The following COL4A6 variants were observed in gnomAD, a reference collection of about 807,000 sequenced individuals.
COL4A6 encodes collagen type IV alpha 6 chain.
In COL4A6, 59 loss-of-function variants were observed where a neutral mutation model predicts 126.7. That is an observed-to-expected ratio of 0.47 (90% CI 0.38 to 0.58). COL4A6 has a LOEUF of 0.58. Among genes scored for constraint, COL4A6 ranks in the 20% least tolerant of loss-of-function variants. The probability of loss-of-function intolerance (pLI) is 0.00; values close to 1 mark genes in which losing one functional copy is unlikely to be tolerated. For missense variants in COL4A6, 1,285 were observed against 1,337.3 expected (o/e 0.96, Z 0.61); for synonymous variants, 547 against 496.6 (o/e 1.10, Z -1.35).
rs1469132467 is a variant in COL4A6 at position 108,178,704 on chromosome X, G to A, written c.2495C>T (p.Pro832Leu). 8.3e-7 allele frequency: 1 copy of A among 1,211,236 alleles called. No individual in the cohort carries two copies. Among genetic ancestry groups the A allele is most frequent in the East Asian group, 3.0e-5 (1 of 33,804 alleles). Residue 832 changes from proline to leucine, a missense_variant, in exon 27 of 45, where the codon CCA becomes CTA. Pro to Leu is a moderately conservative substitution (Grantham distance 98). Coordinates refer to ENST00000334504, the MANE Select transcript of COL4A6 (RefSeq NM_033641.4). ...CCTACCTGAGATGCCTGGGAAGCCTGGTGCTCCTGGGAGCCCAGATTTGCC... is the reference window on the plus strand; with the variant it reads ...CCTACCTGAGATGCCTGGGAAGCCTAGTGCTCCTGGGAGCCCAGATTTGCC... ...IKGKSGLPGA[P>L]GFPGISGHPG... is the part of the protein sequence containing the mutation.
chrX:108,388,208 T>C lies in COL4A6; in HGVS notation c.63+49734A>G, dbSNP rs2040746043. On this transcript the variant is annotated intron_variant, in intron 2 of 44. Coordinates refer to ENST00000334504, the MANE Select transcript of COL4A6 (RefSeq NM_033641.4). ...TTGTTGTGTCTCCGCCAGGTTTTGG[T>C]ATCAGGACAATGTTGGGCTCATAAA... Among the ~76,000 whole-genome samples the C allele has an allele frequency of 2.7e-5, 3 of 111,800 alleles. No individual in the cohort carries two copies. In the Admixed American group the frequency reaches 2.8e-4, roughly 11 times the overall value.
Position 108,165,652 on chromosome X carries a change from C to G in COL4A6, c.3692-166G>C, listed in dbSNP as rs147693033. On this transcript the variant is annotated intron_variant, in intron 37 of 44. Transcript: ENST00000334504. Reference sequence around the variant, plus strand: ...CTCTTCTTCCCTAATCCTTCCTTCCCAGAAAGCAGACTAACTGACAAGGGC... The same window carrying G: ...CTCTTCTTCCCTAATCCTTCCTTCCGAGAAAGCAGACTAACTGACAAGGGC... Among the ~76,000 whole-genome samples, 180 of 111,914 alleles carry G rather than the reference C, an allele frequency of 1.6e-3. 2 individuals carry two copies. Among genetic ancestry groups the G allele is most frequent in the Admixed American group, 0.013 (142 of 10,602 alleles).
At chrX:108,169,100 G>T (rs1045189017) in intron 37 of COL4A6, among the ~76,000 whole-genome samples, 1 of 111,235 alleles carries the variant, frequency 9.0e-6, no homozygotes, top group African/African-American at 3.3e-5. Context: ...CAGCCACACT[G>T]TCTTCCCAGG....
chrX:108,230,840 A>G (rs1315241907), intron 3 of COL4A6, among the ~76,000 whole-genome samples: 1 of 111,794 alleles, frequency 8.9e-6, no homozygotes, highest in African/African-American at 3.3e-5. Flanking sequence ...GGAGATGAGT[A>G]TCCATAGAGC....
At chrX:108,313,048 C>T (rs1261745022) in intron 2 of COL4A6, among the ~76,000 whole-genome samples, 3 of 112,699 alleles carry the variant, frequency 2.7e-5, no homozygotes, top group Non-Finnish European at 5.6e-5. Flanking sequence ...CATCACTGTC[C>T]TTTGTCACTG....
chrX:108,280,984 T>G (rs996345988), intron 3 of COL4A6, among the ~76,000 whole-genome samples: 1 of 110,298 alleles, frequency 9.1e-6, no homozygotes, highest in Non-Finnish European at 1.9e-5. Flanking sequence ...AGGTGTTGAT[T>G]GGACGTATCT....
intron 13 of COL4A6, among the ~76,000 whole-genome samples, chrX:108,197,086 A>G (rs1335173413): frequency 8.9e-6 from 1 of 111,996 alleles, no homozygotes; most frequent in Admixed American, 9.4e-5. Flanking sequence ...CTTTGGAGAC[A>G]TAATGAGCAC....
chrX:108,252,492 T>A (rs1320151802), intron 3 of COL4A6, among the ~76,000 whole-genome samples: 2 of 111,534 alleles, frequency 1.8e-5, no homozygotes, highest in African/African-American at 6.5e-5. Flanking sequence ...TTCCCTTACA[T>A]ATACACCCAG....
At position 108,180,556 on chromosome X, in the gene COL4A6, T is replaced by C; in HGVS notation, c.2090A>G (p.Glu697Gly). 1 of 1,208,255 alleles carries C rather than the reference T, an allele frequency of 8.3e-7. No individual in the cohort carries two copies. The highest frequency in any genetic ancestry group is 3.0e-5 in the East Asian group (1 of 33,768). Reference sequence around the variant, plus strand: ...ATGAACCAATCCTGGACTCCCTGGCTCTCCTTTACTTCCACTTGACCCAGG... The same window carrying C: ...ATGAACCAATCCTGGACTCCCTGGCCCTCCTTTACTTCCACTTGACCCAGG... ...GQPGSSGSKG[E>G]PGSPGLVHLP... is the part of the protein sequence containing the mutation. The change falls in exon 25 of 45, where the codon GAG becomes GGG. Residue 697 changes from glutamate (E) to glycine (G), a missense_variant. Coordinates refer to ENST00000334504, the MANE Select transcript of COL4A6 (RefSeq NM_033641.4).
chrX:108,367,705 T>A (rs1293405129), intron 2 of COL4A6, among the ~76,000 whole-genome samples: 10 of 112,129 alleles, frequency 8.9e-5, no homozygotes, highest in Admixed American at 2.8e-4. Flanking sequence ...TATAATTGAT[T>A]TTTTCAAAAT....
At chrX:108,315,247 T>TA (rs1276380865) in intron 2 of COL4A6, among the ~76,000 whole-genome samples, 5 of 111,757 alleles carry the variant, frequency 4.5e-5, no homozygotes. Flanking sequence ...TGCACTCACT[T>TA]AACTTTTTTT....
At chrX:108,178,399 T>C (rs1400807729) in intron 27 of COL4A6, among the ~76,000 whole-genome samples, 1 of 110,891 alleles carries the variant, frequency 9.0e-6, no homozygotes, top group Non-Finnish European at 1.9e-5. Flanking sequence ...CTTCTCTAAC[T>C]GGGGAGGTCG....
At chrX:108,389,899 C>T (rs1255584877) in intron 2 of COL4A6, among the ~76,000 whole-genome samples, 1 of 111,600 alleles carries the variant, frequency 9.0e-6, no homozygotes, top group East Asian at 2.8e-4. Flanking sequence ...CTGCTTCCTT[C>T]AGGAGCTCTT....
chrX:108,410,405 T>C (rs1333603767), intron 2 of COL4A6, among the ~76,000 whole-genome samples: 2 of 111,356 alleles, frequency 1.8e-5, no homozygotes, highest in East Asian at 5.6e-4. Context: ...AAGGCAGACA[T>C]ATAAAACAGA....
At chrX:108,318,286 T>C (rs2038936361) in intron 2 of COL4A6, among the ~76,000 whole-genome samples, 1 of 111,689 alleles carries the variant, frequency 9.0e-6, no homozygotes, top group Admixed American at 9.5e-5. Flanking sequence ...GGGCAAAAAC[T>C]GGAAGCATTC....
chrX:108,206,472 A>C, intron 9 of COL4A6, 46 bp downstream of exon 9: 1 of 1,144,532 alleles, frequency 8.7e-7, no homozygotes, highest in Non-Finnish European at 1.2e-6. Flanking sequence ...AGGGAAAACA[A>C]CCATGTGAAC....
At chrX:108,198,772 G>T in intron 13 of COL4A6, among the ~76,000 whole-genome samples, 1 of 111,313 alleles carries the variant, frequency 9.0e-6, no homozygotes, top group East Asian at 2.9e-4. Flanking sequence ...TTGGTTCTCA[G>T]GAGGCTCAAC....
At chrX:108,342,913 T>C (rs2039601597) in intron 2 of COL4A6, among the ~76,000 whole-genome samples, 1 of 109,188 alleles carries the variant, frequency 9.2e-6, no homozygotes, top group South Asian at 4.1e-4. Context: ...CATTATCTAC[T>C]GGGGATACAG....
intron 43 of COL4A6, 122 bp downstream of exon 43, chrX:108,160,341 A>G (rs2033882693): frequency 5.9e-6 from 4 of 681,531 alleles, no homozygotes; most frequent in Non-Finnish European, 6.7e-6. Context: ...CTGACTCCAG[A>G]GCTGATGCTT....
Sources: gnomAD v4.1 joint callset for allele counts (sites outside exome capture counted in the v4.1 genomes callset) on GRCh38, gnomAD v4.1.1 for gene constraint, MANE v1.5 for transcripts, NCBI Gene and HGNC (gene_info 2026-07-23, HGNC 2026-07-21) for gene names.